The following XKR3 variants were observed in gnomAD, a reference collection of about 807,000 sequenced individuals.
The protein encoded by XKR3 is XK related 3.
XKR3 carries 27 observed loss-of-function variants against 40.3 expected under a neutral mutation model. The ratio of observed to expected loss-of-function variants is 0.67; its 90% CI spans 0.49 to 0.92. The LOEUF is 0.92. Ranked by LOEUF, XKR3 falls within the 40% of genes least tolerant of loss-of-function variation. The pLI is 0.00. For missense variants in XKR3, 472 were observed against 537.6 expected, an observed-to-expected ratio of 0.88 and a Z score of 1.21; for synonymous variants, 193 against 195.4, an observed-to-expected ratio of 0.99 and a Z score of 0.10.
In XKR3 at chr22:16,810,669, T is replaced by C. The variant is rs145587677; in HGVS notation, c.-10-2586A>G. On this transcript the variant is annotated intron_variant, in intron 1 of 3. Transcript: ENST00000684488. ...AGGAAAGATCAACACTATTTATATA[T>C]AGAATGTTGCCATTACCTTAAAAAG... Among the ~76,000 whole-genome samples, 88 of 152,328 alleles carry C rather than the reference T, an allele frequency of 5.8e-4. 2 individuals carry two copies. Among genetic ancestry groups the C allele is most frequent in the African/African-American group, 1.9e-3 (79 of 41,570 alleles).
chr22:16,798,851 A>G (rs185386368), intron 3 of XKR3, among the ~76,000 whole-genome samples: 11 of 152,240 alleles, frequency 7.2e-5, no homozygotes, highest in Non-Finnish European at 1.2e-4. Flanking sequence ...GTCAACCACT[A>G]TTGGGTGGAG....
chr22:16,783,830 G>T lies in XKR3; in HGVS notation c.1169C>A (p.Thr390Asn). 1 of 1,614,188 alleles carries T rather than the reference G, an allele frequency of 6.2e-7. No individual in the cohort carries two copies. The highest frequency in any genetic ancestry group is 8.5e-7 in the Non-Finnish European group (1 of 1,180,034). The change falls in exon 4 of 4, where the codon ACT (threonine) becomes AAT (asparagine). Residue 390 changes from threonine (T) to asparagine (N), a missense_variant. Physicochemically the swap from Thr to Asn is moderately conservative, Grantham distance 65. Coordinates refer to ENST00000684488, the MANE Select transcript of XKR3 (RefSeq NM_001386955.1). Reference sequence around the variant, plus strand: ...CTGATAGAAGAGGAGCATAAAGCCAGTGGCCAATAGGTAGCTTATGATGAG... The same window carrying T: ...CTGATAGAAGAGGAGCATAAAGCCATTGGCCAATAGGTAGCTTATGATGAG... ...VQLIISYLLA[T>N]GFMLLFYQYL...
chr22:16,806,336 T>C (rs1230158643), intron 2 of XKR3, among the ~76,000 whole-genome samples: 1 of 151,536 alleles, frequency 6.6e-6, no homozygotes, highest in African/African-American at 2.4e-5. Context: ...ACATTTGACA[T>C]CACATCTGGT....
At chr22:16,810,982 G>A (rs1183223713) in intron 1 of XKR3, among the ~76,000 whole-genome samples, 1 of 152,078 alleles carries the variant, frequency 6.6e-6, no homozygotes, top group Non-Finnish European at 1.5e-5. Context: ...ACTAGTTGTT[G>A]TCACTGCTTC....
rs143574841 is a variant in XKR3, at chr22:16,814,212, T to C, written c.-10-6129A>G. 8.5e-3 allele frequency among the ~76,000 whole-genome samples: 1,290 copies of C among 152,280 alleles called. 51 individuals are homozygous for C. The highest frequency in any genetic ancestry group is 0.069 in the Admixed American group (1,052 of 15,286). ...TTGATACATTTTGAGATAACTGTGG[T>C]AAAAGACAGGGTTCCAACTTCACAT... is the stretch of plus-strand genomic sequence containing the variant. On this transcript the variant is annotated intron_variant, in intron 1 of 3. Transcript: ENST00000684488.
intron 3 of XKR3, among the ~76,000 whole-genome samples, chr22:16,789,561 T>A (rs566432737): frequency 1.3e-5 from 2 of 152,162 alleles, no homozygotes; most frequent in Admixed American, 6.5e-5. Flanking sequence ...TGCTAATTGA[T>A]TGGAAAAAAG....
rs923268225 is a variant in XKR3 at position 16,797,013 on chromosome 22, G to A, written c.589+2758C>T. On this transcript the variant is annotated intron_variant, in intron 3 of 3. Transcript: ENST00000684488. The stretch of plus-strand genomic sequence containing the variant: ...ACAGGTCAGGGAACCCAGGTATAAA[G>A]CCACACACCTACAACCATCTGATCT... 3.5e-3 allele frequency among the ~76,000 whole-genome samples: 530 copies of A among 152,226 alleles called. 4 individuals are homozygous for A. Among genetic ancestry groups the A allele is most frequent in the African/African-American group, 0.012 (514 of 41,530 alleles).
chr22:16,813,006 C>G (rs547686584), intron 1 of XKR3, among the ~76,000 whole-genome samples: 1 of 151,582 alleles, frequency 6.6e-6, no homozygotes. Flanking sequence ...GATAATGGGC[C>G]GGGCGCGGTG....
At chr22:16,787,262 T>A (rs11704378) in intron 3 of XKR3, among the ~76,000 whole-genome samples, 1 of 151,936 alleles carries the variant, frequency 6.6e-6, no homozygotes, top group Non-Finnish European at 1.5e-5. Flanking sequence ...TATTAGTCAC[T>A]GGTGTTCAAG....
intron 1 of XKR3, among the ~76,000 whole-genome samples, chr22:16,814,570 G>A (rs1232488604): frequency 6.6e-6 from 1 of 152,046 alleles, no homozygotes; most frequent in Non-Finnish European, 1.5e-5. Context: ...TTGCGGTGTT[G>A]TCACTTAATG....
chr22:16,811,224 G>A (rs538462934), intron 1 of XKR3, among the ~76,000 whole-genome samples: 13 of 151,608 alleles, frequency 8.6e-5, no homozygotes, highest in Admixed American at 5.9e-4. Flanking sequence ...CTTGGGTTCA[G>A]GCGATTTCCT....
In XKR3 at chr22:16,799,941, T is replaced by C. The variant is rs374448009; in HGVS notation, c.419A>G (p.Lys140Arg). 1.9e-6 allele frequency: 3 copies of C among 1,614,044 alleles called. No homozygotes were observed. Among genetic ancestry groups the C allele is most frequent in the Non-Finnish European group, 2.5e-6 (3 of 1,180,010 alleles). ...EKEETQVSIT[K>R]RNTMLEREIA... is the part of the protein sequence containing the mutation. ...CTCCCTTTCCAGCATCGTGTTTCTC[T>C]TTGTGATGCTAACTTGAGTCTCTTC... The change falls in exon 3 of 4, where the codon AAG becomes AGG. Residue 140 changes from lysine (K) to arginine (R), a missense_variant. By Grantham distance (26) the Lys-to-Arg change is conservative. Transcript: ENST00000684488.
At chr22:16,788,414 A>G (rs1285171644) in intron 3 of XKR3, among the ~76,000 whole-genome samples, 31 of 152,130 alleles carry the variant, frequency 2.0e-4, no homozygotes, top group Non-Finnish European at 3.5e-4. Flanking sequence ...ACTAATAAAT[A>G]TAATCAGAGA....
intron 3 of XKR3, among the ~76,000 whole-genome samples, chr22:16,797,453 A>G (rs938941193): frequency 1.3e-5 from 2 of 152,344 alleles, no homozygotes; most frequent in South Asian, 2.1e-4. Flanking sequence ...CAGAATCTAT[A>G]GGGAACTTAA....
chr22:16,804,223 C>T (rs1197475733), intron 2 of XKR3, among the ~76,000 whole-genome samples: 1 of 152,048 alleles, frequency 6.6e-6, no homozygotes, highest in Non-Finnish European at 1.5e-5. Context: ...GAGGACTAAG[C>T]TCTCATTTTG....
In XKR3 at chr22:16,811,833, C is replaced by T. The variant is rs535985915; in HGVS notation, c.-10-3750G>A. On this transcript the variant is annotated intron_variant, in intron 1 of 3. Coordinates refer to ENST00000684488, the MANE Select transcript of XKR3 (RefSeq NM_001386955.1). ...ACCATCCTGGCTAACATGGTGAAAC[C>T]CTGTTTCTACTAAAAATACAAAAAA... Among the ~76,000 whole-genome samples, 31 of 152,018 alleles carry T rather than the reference C, an allele frequency of 2.0e-4. No homozygotes were observed. In the South Asian group the frequency reaches 6.2e-3, roughly 31 times the overall value.
chr22:16,807,611 T>G (rs1375153894), intron 2 of XKR3, 128 bp downstream of exon 2: 7 of 904,800 alleles, frequency 7.7e-6, no homozygotes, highest in Non-Finnish European at 9.9e-6. Context: ...GAAAACTAAA[T>G]AAATCTAAAG....
chr22:16,783,667 G>T lies in XKR3; in HGVS notation c.1332C>A (p.Cys444Ter). ...TGATTGAAAAATATCCAACCCTATTGCAGGAGTGACAGTAATTCCTCAGCT... is the reference window on the plus strand; with the variant it reads ...TGATTGAAAAATATCCAACCCTATTTCAGGAGTGACAGTAATTCCTCAGCT... Reference protein sequence around the residue: ...NKQLRNYCHSCNRVGYFSIRK... With the variant: ...NKQLRNYCHS Residue 444 changes from cysteine to a stop codon, truncating the protein, a stop_gained, in exon 4 of 4, where the codon TGC (cysteine) becomes TGA (stop). Coordinates refer to ENST00000684488, the MANE Select transcript of XKR3 (RefSeq NM_001386955.1). LOFTEE classifies it high-confidence loss of function. 1 of 1,610,262 alleles carries T rather than the reference G, an allele frequency of 6.2e-7. No individual in the cohort carries two copies. Among genetic ancestry groups the T allele is most frequent in the Non-Finnish European group, 8.5e-7 (1 of 1,178,982 alleles).
At chr22:16,818,466 C>A (rs1269565976) in intron 1 of XKR3, among the ~76,000 whole-genome samples, 2 of 151,886 alleles carry the variant, frequency 1.3e-5, no homozygotes, top group Non-Finnish European at 2.9e-5. Flanking sequence ...TAGGCACAGA[C>A]AAAAAGAGCT....
Sources: allele counts gnomAD v4.1 joint callset (sites outside exome capture counted in the v4.1 genomes callset), GRCh38; gene constraint gnomAD v4.1.1; transcripts MANE v1.5; gene names NCBI Gene and HGNC (gene_info 2026-07-23, HGNC 2026-07-21).